The following NR3C2 variants were observed in gnomAD, a reference collection of about 807,000 sequenced individuals.
NR3C2 encodes mineralocorticoid receptor.
In NR3C2, 15 loss-of-function variants were observed where a neutral mutation model predicts 86.4. The observed-to-expected ratio is 0.17, with a 90% CI of 0.12 to 0.27. NR3C2 has a LOEUF of 0.27. NR3C2 is among the 10% of genes least tolerant of loss of function. The pLI is 1.00. For synonymous variants in NR3C2, 458 were observed against 450.5 expected, an observed-to-expected ratio of 1.02 and a Z score of -0.21; for missense variants, 960 against 1,195.6, an observed-to-expected ratio of 0.80 and a Z score of 2.91.
At chr4:148,137,693 G>A (rs1733409304) in intron 6 of NR3C2, among the ~76,000 whole-genome samples, 2 of 152,190 alleles carry the variant, frequency 1.3e-5, no homozygotes, top group Admixed American at 6.5e-5. Context: ...GTGGTCTGAG[G>A]ACGCCAGGGT....
At chr4:148,322,463 C>T (rs200025032) in intron 2 of NR3C2, among the ~76,000 whole-genome samples, 66 of 106,610 alleles carry the variant, frequency 6.2e-4, no homozygotes, top group African/African-American at 1.5e-3. Flanking sequence ...GGATAATATC[C>T]TGCAGAGTGC....
intron 3 of NR3C2, among the ~76,000 whole-genome samples, chr4:148,257,296 G>A (rs151019181): frequency 3.6e-4 from 55 of 152,206 alleles, no homozygotes; most frequent in Non-Finnish European, 5.7e-4. Context: ...TATATACACA[G>A]ACTAAGACTA....
intron 2 of NR3C2, among the ~76,000 whole-genome samples, chr4:148,296,234 T>G (rs1742048287): frequency 6.6e-6 from 1 of 152,032 alleles, no homozygotes; most frequent in Admixed American, 6.6e-5. Flanking sequence ...ATTTTTTTTT[T>G]GTTTACTGTC....
chr4:148,297,687 T>A (rs1742120009), intron 2 of NR3C2, among the ~76,000 whole-genome samples: 1 of 152,184 alleles, frequency 6.6e-6, no homozygotes, highest in African/African-American at 2.4e-5. Context: ...ATTATATCAG[T>A]ATATCTTAAA....
At chr4:148,338,051 C>T (rs549023645) in intron 2 of NR3C2, among the ~76,000 whole-genome samples, 156 of 152,148 alleles carry the variant, frequency 1.0e-3, no homozygotes, top group African/African-American at 3.7e-3. Context: ...TTAAATAAAA[C>T]GGGTCTCATT....
chr4:148,326,568 T>G (rs1373232410), intron 2 of NR3C2, among the ~76,000 whole-genome samples: 1 of 152,152 alleles, frequency 6.6e-6, no homozygotes, highest in South Asian at 2.1e-4. Flanking sequence ...TCCAGACTAG[T>G]GTTTTATTAT....
chr4:148,243,978 A>G (rs901970751), intron 3 of NR3C2, among the ~76,000 whole-genome samples: 8 of 152,226 alleles, frequency 5.3e-5, no homozygotes, highest in African/African-American at 1.4e-4. Context: ...TTGGCTTGAG[A>G]GGCAGACAAT....
intron 3 of NR3C2, among the ~76,000 whole-genome samples, chr4:148,210,404 T>C (rs1329677944): frequency 6.6e-6 from 1 of 152,176 alleles, no homozygotes; most frequent in Non-Finnish European, 1.5e-5. Context: ...TCACCTGGGC[T>C]GGTCTCGAAC....
intron 2 of NR3C2, among the ~76,000 whole-genome samples, chr4:148,325,907 A>G (rs1012352820): frequency 5.9e-5 from 9 of 152,200 alleles, no homozygotes; most frequent in African/African-American, 2.2e-4. Context: ...GTTTGGATGC[A>G]TTTATCAGAT....
At chr4:148,444,998 C>G, upstream of NR3C2, 1 of 982,944 alleles carries the variant, frequency 1.0e-6, no homozygotes, top group Non-Finnish European at 1.2e-6. Flanking sequence ...GGGGAGCCTG[C>G]GCCCCCCTCC....
chr4:148,081,603 G>A (rs923232486), intron 8 of NR3C2, 104 bp from the exon 9 acceptor site: 10 of 1,504,426 alleles, frequency 6.6e-6, no homozygotes, highest in Non-Finnish European at 8.2e-6. Flanking sequence ...CATTTAGAAA[G>A]CCTCCCAGGA....
chr4:148,289,468 C>T (rs1427689523), intron 2 of NR3C2, among the ~76,000 whole-genome samples: 1 of 152,100 alleles, frequency 6.6e-6, no homozygotes, highest in Non-Finnish European at 1.5e-5. Context: ...CCTCCTACAG[C>T]GACACATTAA....
At chr4:148,296,224 A>ATT (rs565659964) in intron 2 of NR3C2, among the ~76,000 whole-genome samples, 1 of 149,148 alleles carries the variant, frequency 6.7e-6, no homozygotes, top group Non-Finnish European at 1.5e-5. Context: ...ATGAAAGTAC[A>ATT]TTTTTTTTTT....
intron 2 of NR3C2, among the ~76,000 whole-genome samples, chr4:148,343,728 T>C (rs1433253659): frequency 6.6e-6 from 1 of 152,016 alleles, no homozygotes; most frequent in Non-Finnish European, 1.5e-5. Context: ...TCAGATTAGG[T>C]AGCAAAAGCC....
At chr4:148,122,930 GAA>G (rs1732575381) in intron 6 of NR3C2, among the ~76,000 whole-genome samples, 1 of 152,152 alleles carries the variant, frequency 6.6e-6, no homozygotes, top group African/African-American at 2.4e-5. Flanking sequence ...GATTTTTAGG[GAA>G]CAAGGGAAGA....
chr4:148,308,862 G>A (rs1742767917), intron 2 of NR3C2, among the ~76,000 whole-genome samples: 1 of 152,030 alleles, frequency 6.6e-6, no homozygotes, highest in South Asian at 2.1e-4. Context: ...ACATGCCTGT[G>A]GTCCCAGCTA....
intron 2 of NR3C2, among the ~76,000 whole-genome samples, chr4:148,303,113 G>T (rs1477346252): frequency 6.6e-6 from 1 of 152,148 alleles, no homozygotes; most frequent in Non-Finnish European, 1.5e-5. Context: ...AGTCTATTTT[G>T]CAAACAACTC....
At chr4:148,284,648 T>C (rs1303710290) in intron 2 of NR3C2, among the ~76,000 whole-genome samples, 1 of 152,102 alleles carries the variant, frequency 6.6e-6, no homozygotes, top group African/African-American at 2.4e-5. Context: ...TGAGAAAGGA[T>C]CTATGACTTT....
intron 2 of NR3C2, among the ~76,000 whole-genome samples, chr4:148,401,384 A>G (rs1748152055): frequency 6.6e-6 from 1 of 151,726 alleles, no homozygotes; most frequent in Admixed American, 6.6e-5. Context: ...CCTCAGTGCT[A>G]GAGGTGGTCA....
Sources: allele counts gnomAD v4.1 joint callset (sites outside exome capture counted in the v4.1 genomes callset), GRCh38; gene constraint gnomAD v4.1.1; transcripts MANE v1.5; gene names NCBI Gene and HGNC (gene_info 2026-07-23, HGNC 2026-07-21).